Variants in CADPS observed in about 807,000 individuals in gnomAD.
The protein encoded by CADPS is calcium-dependent secretion activator 1.
A neutral mutation model predicts 167.3 loss-of-function variants in CADPS; 57 were observed. The observed-to-expected ratio is 0.34, with a 90% CI of 0.28 to 0.42. CADPS has a LOEUF of 0.42. CADPS is among the 20% of genes least tolerant of loss of function. CADPS has a pLI of 1.00. For missense variants in CADPS, 1,414 were observed against 1,738.1 expected (o/e 0.81, Z 3.32); for synonymous variants, 676 against 635.3 (o/e 1.06, Z -0.96).
chr3:62,479,059 C>G (rs1013650680), intron 22 of CADPS, among the ~76,000 whole-genome samples: 1 of 152,180 alleles, frequency 6.6e-6, no homozygotes, highest in Admixed American at 6.5e-5. Context: ...ATTGCATAGG[C>G]AGGGTCCTCA....
chr3:62,691,760 C>G (rs1348660296), intron 3 of CADPS, among the ~76,000 whole-genome samples: 2 of 151,996 alleles, frequency 1.3e-5, no homozygotes, highest in African/African-American at 4.8e-5. Flanking sequence ...CAGGGCAACA[C>G]ACACTGGGGC....
chr3:62,485,157 C>T (rs1010278739), intron 21 of CADPS, among the ~76,000 whole-genome samples: 19 of 151,800 alleles, frequency 1.3e-4, no homozygotes, highest in Admixed American at 2.0e-4. Flanking sequence ...CGTTTTTAAG[C>T]GCCACCCTCC....
At chr3:62,738,130 C>G (rs1197124214) in intron 3 of CADPS, among the ~76,000 whole-genome samples, 1 of 152,052 alleles carries the variant, frequency 6.6e-6, no homozygotes, top group African/African-American at 2.4e-5. Context: ...AATGGTGCAT[C>G]CAGTCTTACA....
chr3:62,481,154 T>A (rs1232887895), intron 22 of CADPS, among the ~76,000 whole-genome samples: 1 of 152,216 alleles, frequency 6.6e-6, no homozygotes, highest in Non-Finnish European at 1.5e-5. Context: ...ACATAATATA[T>A]TTTTTTACAT....
At position 62,481,706 on chromosome 3, in the gene CADPS, G is replaced by A; in HGVS notation, c.3173+17C>T. On this transcript the variant is annotated intron_variant, in intron 22 of 29. Coordinates refer to ENST00000383710, the MANE Select transcript of CADPS (RefSeq NM_003716.4). ...CACTTAAATTTAAATGAGATCTAAT[G>A]TGAACTGAATACACACTCCGCATCA... 6.4e-7 allele frequency: 1 copy of A among 1,571,968 alleles called. No homozygotes were observed. The highest frequency in any genetic ancestry group is 1.2e-5 in the South Asian group (1 of 82,438).
chr3:62,735,449 AG>A (rs1278647665), intron 3 of CADPS, among the ~76,000 whole-genome samples: 3 of 152,222 alleles, frequency 2.0e-5, no homozygotes, highest in Non-Finnish European at 4.4e-5. Context: ...CCTGTGTAAC[AG>A]GTACACAGGT....
intron 3 of CADPS, among the ~76,000 whole-genome samples, chr3:62,715,373 CCTATCTATCTAT>C (rs71123290): frequency 3.0e-5 from 4 of 134,580 alleles, no homozygotes; most frequent in Non-Finnish European, 1.6e-5. Context: ...TATCTATCTA[CCTATCTATCTAT>C]CTATCTATCT....
intron 3 of CADPS, among the ~76,000 whole-genome samples, chr3:62,695,493 T>C (rs1352385963): frequency 6.6e-6 from 1 of 152,036 alleles, no homozygotes; most frequent in Non-Finnish European, 1.5e-5. Flanking sequence ...TCTGACACCT[T>C]AAAGATCTGA....
At chr3:62,745,091 CT>C (rs34560464) in intron 3 of CADPS, among the ~76,000 whole-genome samples, 73,988 of 151,368 alleles carry the variant, frequency 0.49, 19,874 homozygotes, top group African/African-American at 0.71. Context: ...TTTTTGCTTT[CT>C]TTTTTTTTGA....
chr3:62,507,071 T>C (rs1332893711), intron 17 of CADPS, among the ~76,000 whole-genome samples: 1 of 152,166 alleles, frequency 6.6e-6, no homozygotes, highest in African/African-American at 2.4e-5. Context: ...GAGTTCTTTT[T>C]TTTCTCTGAT....
intron 3 of CADPS, among the ~76,000 whole-genome samples, chr3:62,752,257 T>G (rs1316861767): frequency 6.6e-6 from 1 of 152,200 alleles, no homozygotes. Flanking sequence ...TGATTAAATT[T>G]AATTTTATAT....
In CADPS at chr3:62,399,364, G is replaced by A. The variant is rs774929851; in HGVS notation, c.*42C>T. ...AACTAACAGACTAAGGACATGCACT[G>A]ATTACAGGACTCTGTCCCAGCAGAC... On this transcript the variant is annotated 3_prime_UTR_variant, in exon 30 of 30. Coordinates refer to ENST00000383710, the MANE Select transcript of CADPS (RefSeq NM_003716.4). This position sits in a 1 kb window ranked among gnomAD's most constrained non-coding sequence, Gnocchi z 5.6. 1 of 1,592,802 alleles carries A rather than the reference G, an allele frequency of 6.3e-7. No homozygotes were observed. The highest frequency in any genetic ancestry group is 2.2e-5 in the East Asian group (1 of 44,748).
chr3:62,671,284 T>G (rs971994291), intron 3 of CADPS, among the ~76,000 whole-genome samples: 1 of 152,158 alleles, frequency 6.6e-6, no homozygotes, highest in Non-Finnish European at 1.5e-5. Context: ...GCTGTGTTTT[T>G]TTTTTAATGG....
intron 4 of CADPS, among the ~76,000 whole-genome samples, chr3:62,659,664 G>T (rs2072670066): frequency 6.6e-6 from 1 of 152,174 alleles, no homozygotes; most frequent in African/African-American, 2.4e-5. Context: ...ACAGTCCACA[G>T]GCCCTACGAA....
chr3:62,491,439 G>A lies in CADPS; in HGVS notation c.2926C>T (p.Leu976=). The A allele has an allele frequency of 5.0e-6, 8 of 1,614,026 alleles. No individual in the cohort carries two copies. The highest frequency in any genetic ancestry group is 1.6e-4 in the Middle Eastern group (1 of 6,062). The change falls in exon 21 of 30, where the codon CTG becomes TTG. Residue 976 remains leucine (L), a synonymous_variant. Coordinates refer to ENST00000383710, the MANE Select transcript of CADPS (RefSeq NM_003716.4). The stretch of plus-strand genomic sequence containing the variant: ...TATCTAACAACAAGTGGGGCAAACA[G>A]GTCTTGCAGGTGTTTGTGAAATTTT... ...NGKFHKHLQD[L]FAPLVVRYVD... is the part of the protein sequence containing the mutation.
At chr3:62,554,916 C>G (rs1447054519) in intron 10 of CADPS, among the ~76,000 whole-genome samples, 1 of 152,084 alleles carries the variant, frequency 6.6e-6, no homozygotes, top group Non-Finnish European at 1.5e-5. Context: ...CCACGTGCGG[C>G]TAATTTTTGT....
rs573758708 is a variant in CADPS, at chr3:62,654,644, G to A, written c.970-3564C>T. Among the ~76,000 whole-genome samples the A allele has an allele frequency of 1.1e-4, 16 of 152,224 alleles. No homozygotes were observed. In the East Asian group the frequency reaches 3.1e-3, roughly 29 times the overall value. ...CTCATGGTCTGAGAGTAGTCCTTAG[G>A]CCCCATTAAAGGCTGTCACGGAACA... On this transcript the variant is annotated intron_variant, in intron 4 of 29. Transcript: ENST00000383710.
At chr3:62,836,975 C>T (rs954188462) in intron 1 of CADPS, among the ~76,000 whole-genome samples, 4 of 152,156 alleles carry the variant, frequency 2.6e-5, no homozygotes, top group Non-Finnish European at 2.9e-5. Flanking sequence ...CTTGCTCAGC[C>T]TGAATTTATT....
At position 62,466,429 on chromosome 3, in the gene CADPS, G is replaced by C; in HGVS notation, c.3478-16C>G. The C allele has an allele frequency of 6.5e-7, 1 of 1,541,570 alleles. No individual in the cohort carries two copies. Among genetic ancestry groups the C allele is most frequent in the Non-Finnish European group, 9.0e-7 (1 of 1,115,142 alleles). On this transcript the variant is annotated splice_polypyrimidine_tract_variant and intron_variant, in intron 24 of 29. Coordinates refer to ENST00000383710, the MANE Select transcript of CADPS (RefSeq NM_003716.4). ...GGTATTGATGCTAAGAACACAGAAA[G>C]ACAAATATTAGCATGTTTGGGAGGT...
Sources: allele counts gnomAD v4.1 joint callset (sites outside exome capture counted in the v4.1 genomes callset), GRCh38; gene constraint gnomAD v4.1.1; non-coding constraint Gnocchi (gnomAD v3.1); transcripts MANE v1.5; gene names NCBI Gene and HGNC (gene_info 2026-07-23, HGNC 2026-07-21).